The following ARHGAP25 variants were observed in gnomAD, a reference collection of about 807,000 sequenced individuals.
ARHGAP25 encodes Rho GTPase activating protein 25.
Under a neutral mutation model 71.0 loss-of-function variants are expected in ARHGAP25, and 34 were observed. The ratio of observed to expected loss-of-function variants is 0.48; its 90% CI spans 0.36 to 0.64. ARHGAP25 has a LOEUF of 0.64. ARHGAP25 is among the 30% of genes least tolerant of loss of function. ARHGAP25 has a pLI of 0.00. For synonymous variants in ARHGAP25, 282 were observed against 296.5 expected (o/e 0.95, Z 0.50); for missense variants, 706 against 805.1 (o/e 0.88, Z 1.49).
At chr2:68,784,463 C>T (rs765182759) in intron 3 of ARHGAP25, among the ~76,000 whole-genome samples, 4 of 152,112 alleles carry the variant, frequency 2.6e-5, no homozygotes, top group East Asian at 1.9e-4. Context: ...GTTGCACAAA[C>T]GTCACATAGA....
At chr2:68,753,855 A>T (rs1391530275) in intron 1 of ARHGAP25, among the ~76,000 whole-genome samples, 1 of 152,106 alleles carries the variant, frequency 6.6e-6, no homozygotes, top group Non-Finnish European at 1.5e-5. Context: ...TGTGCAATAA[A>T]TGTGAGCAAA....
chr2:68,717,352 C>A (rs1002255888), intron 2 of ARHGAP25, among the ~76,000 whole-genome samples: 1 of 152,138 alleles, frequency 6.6e-6, no homozygotes, highest in Non-Finnish European at 1.5e-5. Context: ...GAATCAGGGA[C>A]CTCTATGTTA....
intron 2 of ARHGAP25, among the ~76,000 whole-genome samples, chr2:68,781,426 A>G (rs1415731621): frequency 2.0e-5 from 3 of 152,176 alleles, no homozygotes; most frequent in Non-Finnish European, 4.4e-5. Flanking sequence ...AGTGAAATGC[A>G]CTGTAAGTGA....
At chr2:68,802,407 C>CAAAAAAAAAAAAA (rs10688959) in intron 4 of ARHGAP25, among the ~76,000 whole-genome samples, 2 of 82,152 alleles carry the variant, frequency 2.4e-5, no homozygotes, top group Non-Finnish European at 4.4e-5. Context: ...GACTCCATCT[C>CAAAAAAAAAAAAA]AAAAAAAAAA....
At chr2:68,712,285 A>T (rs576280990) in intron 2 of ARHGAP25, among the ~76,000 whole-genome samples, 1 of 152,254 alleles carries the variant, frequency 6.6e-6, no homozygotes, top group African/African-American at 2.4e-5. Context: ...GCTTCTTTTC[A>T]TATGTTCGTT....
intron 2 of ARHGAP25, among the ~76,000 whole-genome samples, chr2:68,715,341 T>A (rs141080336): frequency 6.6e-6 from 1 of 152,200 alleles, no homozygotes; most frequent in African/African-American, 2.4e-5. Flanking sequence ...GCCATTCTGA[T>A]GCCTGCTCAA....
intron 4 of ARHGAP25, among the ~76,000 whole-genome samples, chr2:68,802,639 G>A (rs1294804802): frequency 6.6e-6 from 1 of 151,628 alleles, no homozygotes; most frequent in Non-Finnish European, 1.5e-5. Context: ...GGGATGGGAT[G>A]ATAGTGAGAT....
chr2:68,815,642 C>T (rs1681166798), intron 6 of ARHGAP25, among the ~76,000 whole-genome samples: 1 of 151,860 alleles, frequency 6.6e-6, no homozygotes, highest in African/African-American at 2.4e-5. Flanking sequence ...TCACAAGCAC[C>T]ATGTTGCAGA....
intron 4 of ARHGAP25, among the ~76,000 whole-genome samples, chr2:68,792,399 C>T (rs559454751): frequency 1.6e-4 from 24 of 152,290 alleles, no homozygotes; most frequent in African/African-American, 4.6e-4. Context: ...TCTCATCATA[C>T]ACCGCCTTCC....
intron 2 of ARHGAP25, among the ~76,000 whole-genome samples, chr2:68,777,744 C>T (rs1194694010): frequency 6.6e-6 from 1 of 151,894 alleles, no homozygotes; most frequent in Non-Finnish European, 1.5e-5. Context: ...AAAAATAAAA[C>T]CTTTAGGAAT....
chr2:68,729,314 T>C (rs552234140), intron 2 of ARHGAP25, among the ~76,000 whole-genome samples: 1 of 152,112 alleles, frequency 6.6e-6, no homozygotes. Flanking sequence ...CATGAGAAAC[T>C]GTCTTCAAAT....
intron 1 of ARHGAP25, among the ~76,000 whole-genome samples, chr2:68,770,232 G>C (rs754325523): frequency 6.6e-6 from 1 of 152,178 alleles, no homozygotes. Context: ...TGATGAGCTT[G>C]ACATTCTCAT....
At chr2:68,820,882 T>C (rs766267286) in intron 9 of ARHGAP25, among the ~76,000 whole-genome samples, 2 of 151,980 alleles carry the variant, frequency 1.3e-5, no homozygotes, top group Non-Finnish European at 2.9e-5. Flanking sequence ...GTCACACACA[T>C]ACACATACAG....
intron 1 of ARHGAP25, among the ~76,000 whole-genome samples, chr2:68,773,459 G>A (rs1393998356): frequency 6.6e-6 from 1 of 152,126 alleles, no homozygotes; most frequent in Non-Finnish European, 1.5e-5. Flanking sequence ...ATAGGTATAC[G>A]TGGACATAAA....
At chr2:68,738,320 G>T (rs1477317243) in intron 1 of ARHGAP25, among the ~76,000 whole-genome samples, 1 of 152,178 alleles carries the variant, frequency 6.6e-6, no homozygotes, top group Admixed American at 6.5e-5. Context: ...GCTTCCCAAT[G>T]ACCAGGCCAG....
chr2:68,816,260 A>G (rs780273098), intron 6 of ARHGAP25, 29 bp from the exon 7 acceptor site: 119 of 1,590,376 alleles, frequency 7.5e-5, no homozygotes, highest in Non-Finnish European at 2.0e-5. Context: ...TTACTGGTAA[A>G]TGATTTACTT....
intron 1 of ARHGAP25, among the ~76,000 whole-genome samples, chr2:68,768,789 C>T (rs180993215): frequency 2.0e-5 from 3 of 152,334 alleles, no homozygotes; most frequent in South Asian, 2.1e-4. Context: ...TTGAAGCTCT[C>T]AGTCCACCCT....
chr2:68,782,122 T>C lies in ARHGAP25; in HGVS notation c.262-111T>C. On this transcript the variant is annotated intron_variant, in intron 2 of 10. Coordinates refer to ENST00000409202, the MANE Select transcript of ARHGAP25 (RefSeq NM_001007231.3). The stretch of plus-strand genomic sequence containing the variant: ...CTGGGAGGCTAGCTTCCCATGTCCC[T>C]ATCCTCCTACTCTCCTCCCCATCCC... 5.2e-6 allele frequency: 5 copies of C among 961,944 alleles called. No individual in the cohort carries two copies. In the South Asian group the frequency reaches 7.5e-5, roughly 14 times the overall value. The allele number at this position is 961,944 out of a possible 1,614,324, so 59.6% of individuals were successfully genotyped here. A position where few individuals can be genotyped will look rare whatever the true frequency, so the allele number is the denominator to read the frequency against.
chr2:68,814,332 G>T (rs1681049581), intron 6 of ARHGAP25, among the ~76,000 whole-genome samples: 1 of 152,162 alleles, frequency 6.6e-6, no homozygotes, highest in South Asian at 2.1e-4. Flanking sequence ...GTTCAATATG[G>T]TGACCACCAG....
Sources: allele counts gnomAD v4.1 joint callset (sites outside exome capture counted in the v4.1 genomes callset), GRCh38; gene constraint gnomAD v4.1.1; transcripts MANE v1.5; gene names NCBI Gene and HGNC (gene_info 2026-07-23, HGNC 2026-07-21).